Variants in LAMA3 observed in about 807,000 individuals in gnomAD.
LAMA3 encodes laminin subunit alpha-3.
In LAMA3, 281 loss-of-function variants were observed where a neutral mutation model predicts 402.0. The observed-to-expected ratio is 0.70, with a 90% confidence interval of 0.63 to 0.77. The LOEUF (loss-of-function observed/expected upper bound fraction) is 0.77. Among genes scored for constraint, LAMA3 ranks in the 30% least tolerant of loss-of-function variants. LAMA3 has a pLI of 0.00. For missense variants in LAMA3, 3,840 were observed against 4,215.5 expected (o/e 0.91, Z 2.47); for synonymous variants, 1,431 against 1,558.4 (o/e 0.92, Z 1.93).
In LAMA3 at chr18:23,749,424, C is replaced by G. The variant is rs1464860696; in HGVS notation, c.566-4C>G. 4 of 1,456,290 alleles carry G rather than the reference C, an allele frequency of 2.7e-6. No homozygotes were observed. In the Admixed American group the frequency reaches 5.1e-5, roughly 19 times the overall value. The allele number at this position is 1,456,290 out of a possible 1,614,324, so 90.2% of individuals were successfully genotyped here. A position where few individuals can be genotyped will look rare whatever the true frequency, so the allele number is the denominator to read the frequency against. On this transcript the variant is annotated splice_region_variant and splice_polypyrimidine_tract_variant and intron_variant, in intron 3 of 74. Coordinates refer to ENST00000313654, the MANE Select transcript of LAMA3 (RefSeq NM_198129.4). ...TTTATAATATTAAAATATTTTCCTT[C>G]TAGATTCTAAAGTAGACTGTTTAAA...
chr18:23,698,651 T>A (rs2060732207), intron 1 of LAMA3, among the ~76,000 whole-genome samples: 1 of 152,280 alleles, frequency 6.6e-6, no homozygotes, highest in Non-Finnish European at 1.5e-5. Flanking sequence ...GAGGTGATTC[T>A]TAAAGTAGAT....
intron 73 of LAMA3, among the ~76,000 whole-genome samples, chr18:23,951,994 CTGT>C (rs1555755523): frequency 6.6e-6 from 1 of 152,146 alleles, no homozygotes; most frequent in African/African-American, 2.4e-5. Flanking sequence ...TTTATTGTTG[CTGT>C]TGTTGTTGTT....
intron 40 of LAMA3, among the ~76,000 whole-genome samples, chr18:23,884,510 T>A (rs2065007375): frequency 6.6e-6 from 1 of 152,200 alleles, no homozygotes; most frequent in South Asian, 2.1e-4. Context: ...CTCTGCTCTG[T>A]CTTAAGGGGA....
intron 6 of LAMA3, among the ~76,000 whole-genome samples, chr18:23,754,276 C>T (rs1211062892): frequency 6.6e-6 from 1 of 152,178 alleles, no homozygotes; most frequent in African/African-American, 2.4e-5. Flanking sequence ...CAACCAATCT[C>T]CAGAACTCTT....
chr18:23,843,459 CAG>C (rs930554567), intron 29 of LAMA3, among the ~76,000 whole-genome samples: 11 of 152,172 alleles, frequency 7.2e-5, no homozygotes, highest in African/African-American at 2.7e-4. Context: ...TACCACACCC[CAG>C]AGTCTTTCTC....
chr18:23,884,918 C>T, intron 41 of LAMA3, 65 bp downstream of exon 41: 1 of 1,285,158 alleles, frequency 7.8e-7, no homozygotes, highest in South Asian at 1.3e-5. Flanking sequence ...GGTGGGGCTG[C>T]CAGGTGCTGG....
chr18:23,814,089 G>A (rs2063130263), intron 14 of LAMA3, among the ~76,000 whole-genome samples: 1 of 152,296 alleles, frequency 6.6e-6, no homozygotes, highest in African/African-American at 2.4e-5. Context: ...TAAATTGGTA[G>A]TCTATGCTGT....
At chr18:23,794,911 C>T (rs1042799815) in intron 12 of LAMA3, among the ~76,000 whole-genome samples, 3 of 152,204 alleles carry the variant, frequency 2.0e-5, no homozygotes, top group African/African-American at 4.8e-5. Flanking sequence ...AAACTCTCGA[C>T]ATTATTTTCA....
intron 62 of LAMA3, among the ~76,000 whole-genome samples, chr18:23,922,341 A>T (rs2081871499): frequency 6.6e-6 from 1 of 152,240 alleles, no homozygotes; most frequent in African/African-American, 2.4e-5. Context: ...ATCTGAAGCT[A>T]GTTAACTCTT....
At position 23,810,400 on chromosome 18, in the gene LAMA3, G is replaced by T; in HGVS notation, c.1638G>T (p.Met546Ile). 1 of 1,614,122 alleles carries T rather than the reference G, an allele frequency of 6.2e-7. No homozygotes were observed. The highest frequency in any genetic ancestry group is 8.5e-7 in the Non-Finnish European group (1 of 1,180,022). Residue 546 changes from methionine (M) to isoleucine (I), a missense_variant, in exon 13 of 75, where the codon ATG becomes ATT. Met to Ile is a conservative substitution (Grantham distance 10). This residue lies in a region of LAMA3 where 2,109 missense variants were observed against 2,376.0 expected (regional missense o/e 0.89). Transcript: ENST00000313654. The stretch of plus-strand genomic sequence containing the variant: ...GTTCAGCCCTTGGATCCTACCAGAT[G>T]CCCTGCAGCTCAGTGACTGGACAGT... ...CWCSALGSYQ[M>I]PCSSVTGQCE... is the part of the protein sequence containing the mutation.
At chr18:23,785,503 T>C (rs962337856) in intron 12 of LAMA3, among the ~76,000 whole-genome samples, 2 of 152,226 alleles carry the variant, frequency 1.3e-5, no homozygotes, top group Non-Finnish European at 2.9e-5. Flanking sequence ...TCATAATTCA[T>C]TGTTGTGAGG....
chr18:23,843,739 C>A (rs187336217), intron 29 of LAMA3, among the ~76,000 whole-genome samples: 1 of 152,204 alleles, frequency 6.6e-6, no homozygotes, highest in Non-Finnish European at 1.5e-5. Context: ...CACTCAGGCC[C>A]TCACGACCCC....
Position 23,890,123 on chromosome 18 carries a change from G to T in LAMA3, c.5410+6G>T. 1 of 1,577,610 alleles carries T rather than the reference G, an allele frequency of 6.3e-7. No homozygotes were observed. Among genetic ancestry groups the T allele is most frequent in the Non-Finnish European group, 8.7e-7 (1 of 1,146,764 alleles). ...CTGTCATCCCCTGACTGGAGGTAAG[G>T]CCGACCCACACCCCTGCTAACTTGC... On this transcript the variant is annotated splice_donor_region_variant and intron_variant, in intron 42 of 74. Coordinates refer to ENST00000313654, the MANE Select transcript of LAMA3 (RefSeq NM_198129.4).
intron 1 of LAMA3, among the ~76,000 whole-genome samples, chr18:23,692,918 G>A (rs1241909717): frequency 6.6e-6 from 1 of 151,762 alleles, no homozygotes; most frequent in Non-Finnish European, 1.5e-5. Context: ...TTCTGCTTCT[G>A]TATAACTCTG....
intron 42 of LAMA3, among the ~76,000 whole-genome samples, chr18:23,892,040 A>G (rs978459224): frequency 1.3e-5 from 2 of 152,228 alleles, no homozygotes; most frequent in African/African-American, 4.8e-5. Flanking sequence ...AAGGGTTGGT[A>G]TTGTTCTCTG....
intron 1 of LAMA3, 27 bp downstream of exon 1, chr18:23,690,004 G>A: frequency 7.1e-7 from 1 of 1,401,962 alleles, no homozygotes; most frequent in Admixed American, 2.9e-5. Flanking sequence ...GAGCCGGGGT[G>A]GGCGCGCCTT....
Position 23,753,769 on chromosome 18 carries a change from A to C in LAMA3, c.904A>C (p.Asn302His), listed in dbSNP as rs2061794013. Residue 302 changes from asparagine to histidine, a missense_variant, in exon 6 of 75, where the codon AAT (asparagine) becomes CAT (histidine). This residue lies in a region of LAMA3 where 2,109 missense variants were observed against 2,376.0 expected (regional missense o/e 0.89). Transcript: ENST00000313654. ...CAGCATTGGTGGGCAGTGTGTTTGC[A>C]ATGGCCATGCTGAAGTGTGCAATAT... The part of the protein sequence containing the change: ...DISIGGQCVC[N>H]GHAEVCNINN... 1 of 1,613,838 alleles carries C rather than the reference A, an allele frequency of 6.2e-7. No homozygotes were observed. The highest frequency in any genetic ancestry group is 1.7e-5 in the Admixed American group (1 of 59,996).
chr18:23,749,027 T>C (rs947074749), intron 3 of LAMA3, among the ~76,000 whole-genome samples: 2 of 152,210 alleles, frequency 1.3e-5, no homozygotes, highest in African/African-American at 4.8e-5. Context: ...ATCTTTATAG[T>C]TCCTGTGCTG....
intron 6 of LAMA3, among the ~76,000 whole-genome samples, chr18:23,754,017 G>A (rs752384982): frequency 5.3e-5 from 8 of 152,010 alleles, no homozygotes; most frequent in Middle Eastern, 3.4e-3. Flanking sequence ...TGGCAGACAC[G>A]GCTAATCAAT....
Sources: allele counts gnomAD v4.1 joint callset (sites outside exome capture counted in the v4.1 genomes callset), GRCh38; gene constraint gnomAD v4.1.1; regional missense constraint gnomAD v4.1.1; transcripts MANE v1.5; gene names NCBI Gene and HGNC (gene_info 2026-07-23, HGNC 2026-07-21).